The following RPA3 variants were observed in gnomAD, a reference collection of about 807,000 sequenced individuals.
The protein encoded by RPA3 is replication protein A3, also known as replication protein A 14 kDa subunit.
A neutral mutation model predicts 13.7 loss-of-function variants in RPA3; 24 were observed. The observed-to-expected ratio is 1.75, with a 90% confidence interval of 1.27 to 2.46. RPA3 has a LOEUF of 2.46. Among genes scored for constraint, RPA3 ranks in the 30% most tolerant of loss-of-function variants. RPA3 has a pLI of 0.00. For synonymous variants in RPA3, 59 were observed against 51.2 expected (o/e 1.15, Z -0.65); for missense variants, 183 against 151.0 (o/e 1.21, Z -1.11).
chr7:7,718,390 C>G (rs933460476), intron 1 of RPA3, 125 bp downstream of exon 1: 4 of 152,152 alleles, frequency 2.6e-5, no homozygotes, highest in Admixed American at 1.3e-4. Flanking sequence ...TAGCATGGAA[C>G]AAATGAATAA....
intron 4 of RPA3, among the ~76,000 whole-genome samples, chr7:7,661,940 G>A (rs1170128742): frequency 6.6e-6 from 1 of 152,186 alleles, no homozygotes; most frequent in Non-Finnish European, 1.5e-5. Context: ...TCTGTCCCTG[G>A]GAGATGGGAG....
intron 4 of RPA3, among the ~76,000 whole-genome samples, chr7:7,648,991 C>T (rs1181740371): frequency 6.6e-6 from 1 of 151,918 alleles, no homozygotes; most frequent in Non-Finnish European, 1.5e-5. Flanking sequence ...AACCCTGTCT[C>T]TACTAAAAGT....
intron 4 of RPA3, among the ~76,000 whole-genome samples, chr7:7,683,315 A>G (rs1337142120): frequency 6.6e-6 from 1 of 152,128 alleles, no homozygotes; most frequent in Non-Finnish European, 1.5e-5. Context: ...AGGTCCTGGG[A>G]TTAGGCCCAG....
intron 2 of RPA3, among the ~76,000 whole-genome samples, chr7:7,703,311 G>T (rs971818968): frequency 6.6e-6 from 1 of 152,082 alleles, no homozygotes; most frequent in African/African-American, 2.4e-5. Flanking sequence ...TCTCATTTAA[G>T]GTTGCAGTTT....
At chr7:7,661,873 C>T (rs1157625053) in intron 4 of RPA3, among the ~76,000 whole-genome samples, 1 of 152,134 alleles carries the variant, frequency 6.6e-6, no homozygotes, top group African/African-American at 2.4e-5. Flanking sequence ...AGCTGGCAGG[C>T]AGGGACGTTT....
chr7:7,639,247 G>C lies in RPA3; in HGVS notation c.100-103C>G, dbSNP rs1454369522. The C allele has an allele frequency of 8.0e-6, 6 of 753,848 alleles. No individual in the cohort carries two copies. The Admixed American group carries it at 1.1e-4, about 14-fold the overall frequency. 46.7% of individuals were successfully genotyped at this position (753,848 alleles called of 1,614,324 possible). On this transcript the variant is annotated intron_variant, in intron 5 of 7. Coordinates refer to ENST00000223129, the MANE Select transcript of RPA3 (RefSeq NM_002947.5). The stretch of plus-strand genomic sequence containing the variant: ...GTTGAGCACAAATCAACTGTTTCTT[G>C]AACAGTTTATTCATTCAGTTTATTC...
At chr7:7,662,503 T>C (rs1034420417) in intron 4 of RPA3, among the ~76,000 whole-genome samples, 1 of 152,190 alleles carries the variant, frequency 6.6e-6, no homozygotes, top group Non-Finnish European at 1.5e-5. Flanking sequence ...AAAAGCGTAG[T>C]ATCCGGACCG....
intron 2 of RPA3, among the ~76,000 whole-genome samples, chr7:7,704,158 G>A (rs548757286): frequency 5.3e-5 from 8 of 152,130 alleles, no homozygotes; most frequent in Non-Finnish European, 7.4e-5. Context: ...GAATGCAGAA[G>A]AGAAAGGCCA....
At chr7:7,680,165 G>A (rs916551697) in intron 4 of RPA3, among the ~76,000 whole-genome samples, 1 of 151,930 alleles carries the variant, frequency 6.6e-6, no homozygotes, top group Non-Finnish European at 1.5e-5. Flanking sequence ...TAGTAGTTTC[G>A]TAGTTTCAGG....
At chr7:7,683,214 C>G (rs1779955970) in intron 4 of RPA3, among the ~76,000 whole-genome samples, 1 of 152,130 alleles carries the variant, frequency 6.6e-6, no homozygotes, top group African/African-American at 2.4e-5. Flanking sequence ...AATTAGGGAT[C>G]TATCTCTCTG....
chr7:7,673,342 GCA>G (rs1779655702), intron 4 of RPA3: 1 of 1,263,522 alleles, frequency 7.9e-7, no homozygotes, highest in African/African-American at 1.5e-5. Context: ...AGCAGCAGCA[GCA>G]GCAGCAGCAG....
intron 4 of RPA3, among the ~76,000 whole-genome samples, chr7:7,643,792 C>T (rs1453626478): frequency 1.3e-5 from 2 of 151,422 alleles, no homozygotes; most frequent in East Asian, 3.9e-4. Context: ...TTAACCTTCA[C>T]ATTCCCGCTT....
At chr7:7,671,356 C>A (rs1779601176) in intron 4 of RPA3, among the ~76,000 whole-genome samples, 1 of 152,202 alleles carries the variant, frequency 6.6e-6, no homozygotes, top group African/African-American at 2.4e-5. Context: ...TGGAGACCCA[C>A]ACCCTTAGTC....
chr7:7,640,308 G>A lies in RPA3; in HGVS notation c.99+12C>T. ...TACGGACTTGGGAGCCCATGATTGC[G>A]AACCCGCACACCTTTTCCAGCCTCC... On this transcript the variant is annotated intron_variant, in intron 5 of 7. Coordinates refer to ENST00000223129, the MANE Select transcript of RPA3 (RefSeq NM_002947.5). 6.2e-7 allele frequency: 1 copy of A among 1,613,668 alleles called. No homozygotes were observed.
intron 2 of RPA3, among the ~76,000 whole-genome samples, chr7:7,697,170 T>G (rs752618651): frequency 6.6e-5 from 10 of 152,228 alleles, no homozygotes; most frequent in Non-Finnish European, 1.2e-4. Flanking sequence ...ATGATCATAA[T>G]CCACTTCTTG....
intron 4 of RPA3, among the ~76,000 whole-genome samples, chr7:7,643,112 G>T (rs1012859014): frequency 6.6e-6 from 1 of 152,054 alleles, no homozygotes; most frequent in African/African-American, 2.4e-5. Context: ...TACCGAATTT[G>T]CTTCTCTAAA....
chr7:7,673,354 G>T (rs1001449981), intron 4 of RPA3: 1 of 1,282,340 alleles, frequency 7.8e-7, no homozygotes, highest in African/African-American at 1.5e-5. Context: ...AGCAGCAGCA[G>T]CAGCAGCAGC....
intron 4 of RPA3, among the ~76,000 whole-genome samples, chr7:7,643,443 G>A (rs1392294307): frequency 6.6e-6 from 1 of 152,228 alleles, no homozygotes; most frequent in Non-Finnish European, 1.5e-5. Context: ...GGGCGCGGTG[G>A]CTCACGCCTG....
intron 4 of RPA3, among the ~76,000 whole-genome samples, chr7:7,664,929 A>G (rs979671438): frequency 3.9e-5 from 6 of 152,136 alleles, no homozygotes; most frequent in Admixed American, 2.6e-4. Flanking sequence ...ATCGTTCAGG[A>G]TTTTAATTTT....
Sources: gnomAD v4.1 joint callset for allele counts (sites outside exome capture counted in the v4.1 genomes callset) on GRCh38, gnomAD v4.1.1 for gene constraint, MANE v1.5 for transcripts, NCBI Gene and HGNC (gene_info 2026-07-23, HGNC 2026-07-21) for gene names.